The following ACTR3 variants were observed in gnomAD, a reference collection of about 807,000 sequenced individuals.
The protein encoded by ACTR3 is actin related protein 3.
A neutral mutation model predicts 56.8 loss-of-function variants in ACTR3; 12 were observed. The ratio of observed to expected loss-of-function variants is 0.21; its 90% CI spans 0.14 to 0.34. ACTR3 has a LOEUF of 0.34. ACTR3 is among the 10% of genes least tolerant of loss of function. The pLI is 1.00. For synonymous variants in ACTR3, 162 were observed against 167.4 expected (o/e 0.97, Z 0.25); for missense variants, 282 against 512.5 (o/e 0.55, Z 4.34).
chr2:113,907,632 G>A (rs578095279), intron 1 of ACTR3, among the ~76,000 whole-genome samples: 1 of 152,244 alleles, frequency 6.6e-6, no homozygotes, highest in African/African-American at 2.4e-5. Flanking sequence ...ATACTGATAG[G>A]ATTTATAAAT....
chr2:113,924,818 G>A (rs1305375910), intron 3 of ACTR3, among the ~76,000 whole-genome samples: 3 of 151,842 alleles, frequency 2.0e-5, no homozygotes, highest in Non-Finnish European at 4.4e-5. Context: ...GTTAAGACCC[G>A]GCTTAGATAT....
At chr2:113,919,018 C>A (rs908476371) in intron 3 of ACTR3, among the ~76,000 whole-genome samples, 6 of 152,146 alleles carry the variant, frequency 3.9e-5, no homozygotes, top group Admixed American at 6.5e-5. Flanking sequence ...TAATGAACCC[C>A]CATGTGCCTA....
intron 5 of ACTR3, among the ~76,000 whole-genome samples, chr2:113,933,449 G>T (rs902051224): frequency 1.3e-5 from 2 of 152,010 alleles, no homozygotes; most frequent in Non-Finnish European, 2.9e-5. Context: ...CGGAGATTGC[G>T]GTGAGCCGAG....
At chr2:113,918,944 CA>C (rs929501247) in intron 3 of ACTR3, among the ~76,000 whole-genome samples, 11 of 152,094 alleles carry the variant, frequency 7.2e-5, no homozygotes, top group African/African-American at 2.7e-4. Flanking sequence ...TAAGTGCAAT[CA>C]CACACACAGA....
At chr2:113,934,234 T>TC (rs745525810) in intron 5 of ACTR3, 45 bp from the exon 6 acceptor site, 1 of 1,281,354 alleles carries the variant, frequency 7.8e-7, no homozygotes, top group South Asian at 1.3e-5. Flanking sequence ...GTTTTTTTGT[T>TC]TTTTTTTTTT....
chr2:113,947,026 A>G (rs897817241), intron 8 of ACTR3, among the ~76,000 whole-genome samples: 5 of 152,196 alleles, frequency 3.3e-5, no homozygotes, highest in African/African-American at 1.2e-4. Context: ...ATTTTAGCGG[A>G]GAGTCAAGAG....
chr2:113,943,102 A>G (rs1679954829), intron 8 of ACTR3, among the ~76,000 whole-genome samples: 1 of 152,248 alleles, frequency 6.6e-6, no homozygotes, highest in Non-Finnish European at 1.5e-5. Flanking sequence ...AATAAAAGAG[A>G]TGAGTATTTA....
intron 1 of ACTR3, among the ~76,000 whole-genome samples, chr2:113,908,993 T>C (rs1035250495): frequency 6.6e-6 from 1 of 152,156 alleles, no homozygotes; most frequent in African/African-American, 2.4e-5. Context: ...GTGAAAATAT[T>C]GTTGTCTATG....
chr2:113,959,207 T>C lies in ACTR3; in HGVS notation c.*1752T>C, dbSNP rs1213605206. The C allele has an allele frequency of 6.6e-6, 1 of 152,060 alleles. No homozygotes were observed. Among genetic ancestry groups the C allele is most frequent in the Non-Finnish European group, 1.5e-5 (1 of 67,910 alleles). 9.4% of individuals were successfully genotyped at this position (152,060 alleles called of 1,614,324 possible). A position where few individuals can be genotyped will look rare whatever the true frequency, so the allele number is the denominator to read the frequency against. On this transcript the variant is annotated 3_prime_UTR_variant, in exon 12 of 12. Transcript: ENST00000263238. ...CTACTTGGAATGTCTTAGATGTCCTTGTATTGTAATTTTCTGTGTAGGTAG... is the reference window on the plus strand; with the variant it reads ...CTACTTGGAATGTCTTAGATGTCCTCGTATTGTAATTTTCTGTGTAGGTAG...
Position 113,916,955 on chromosome 2 carries a change from C to T in ACTR3, c.172C>T (p.Leu58=), listed in dbSNP as rs150606546. 13 of 1,609,882 alleles carry T rather than the reference C, an allele frequency of 8.1e-6. No homozygotes were observed. Among genetic ancestry groups the T allele is most frequent in the African/African-American group, 4.0e-5 (3 of 74,726 alleles). Reference sequence around the variant, plus strand: ...GAGGGTGATGAAAGGTGTTGATGACCTAGACTTCTTCATTGGTGATGAAGC... The same window carrying T: ...GAGGGTGATGAAAGGTGTTGATGACTTAGACTTCTTCATTGGTGATGAAGC... The part of the protein sequence containing the change: ...QRRVMKGVDD[L]DFFIGDEAIE... Residue 58 remains leucine, a synonymous_variant, in exon 3 of 12, where the codon CTA becomes TTA. Transcript: ENST00000263238.
intron 2 of ACTR3, among the ~76,000 whole-genome samples, chr2:113,915,307 C>A (rs76741921): frequency 2.6e-5 from 4 of 152,158 alleles, no homozygotes; most frequent in Non-Finnish European, 5.9e-5. Flanking sequence ...CTGATAGATG[C>A]GTCACTCCAG....
At chr2:113,900,657 G>T (rs747374139) in intron 1 of ACTR3, among the ~76,000 whole-genome samples, 1 of 152,134 alleles carries the variant, frequency 6.6e-6, no homozygotes, top group Admixed American at 6.6e-5. Context: ...TTTTATTCCC[G>T]ATGCATTAGG....
chr2:113,957,276 G>A (rs1680233365), intron 11 of ACTR3, 84 bp from the exon 12 acceptor site: 4 of 921,728 alleles, frequency 4.3e-6, no homozygotes, highest in Non-Finnish European at 6.9e-6. Context: ...CTATTTTAAA[G>A]CATCACTCTT....
intron 2 of ACTR3, 92 bp downstream of exon 2, chr2:113,913,319 T>C: frequency 1.0e-6 from 1 of 962,462 alleles, no homozygotes; most frequent in Non-Finnish European, 1.5e-6. Context: ...TCTGAAATCC[T>C]AAAAGATTTA....
At chr2:113,894,093 CT>C (rs142698815) in intron 1 of ACTR3, among the ~76,000 whole-genome samples, 3,957 of 143,586 alleles carry the variant, frequency 0.028, 212 homozygotes, top group East Asian at 0.26. Flanking sequence ...AATGCTGTTT[CT>C]TTTTTTTTTT....
At chr2:113,901,525 T>C (rs1679099330) in intron 1 of ACTR3, among the ~76,000 whole-genome samples, 1 of 152,208 alleles carries the variant, frequency 6.6e-6, no homozygotes, top group South Asian at 2.1e-4. Flanking sequence ...TTACATAAAA[T>C]TATATAAGAT....
chr2:113,914,484 AC>A (rs940501619), intron 2 of ACTR3, among the ~76,000 whole-genome samples: 1 of 151,866 alleles, frequency 6.6e-6, no homozygotes, highest in African/African-American at 2.4e-5. Context: ...GGTGGTGCAC[AC>A]CTGTAGTCCC....
intron 1 of ACTR3, among the ~76,000 whole-genome samples, chr2:113,901,411 A>T (rs1019772247): frequency 6.6e-6 from 1 of 152,238 alleles, no homozygotes; most frequent in African/African-American, 2.4e-5. Flanking sequence ...TTGGTATTGT[A>T]TGACGAAAAC....
intron 6 of ACTR3, 70 bp downstream of exon 6, chr2:113,934,456 T>A: frequency 1.9e-6 from 2 of 1,035,686 alleles, no homozygotes; most frequent in South Asian, 3.6e-5. Context: ...TTATACGAAT[T>A]AATGTTACTT....
Sources: gnomAD v4.1 joint callset for allele counts (sites outside exome capture counted in the v4.1 genomes callset) on GRCh38, gnomAD v4.1.1 for gene constraint, MANE v1.5 for transcripts, NCBI Gene and HGNC (gene_info 2026-07-23, HGNC 2026-07-21) for gene names.